RARS2: variants seen among roughly 807,000 people sequenced by gnomAD.
The protein encoded by RARS2 is arginyl-tRNA synthetase 2, mitochondrial.
Under a neutral mutation model 88.5 loss-of-function variants are expected in RARS2, and 67 were observed. That is an observed-to-expected ratio of 0.76 (90% CI 0.62 to 0.93). The LOEUF is 0.93. RARS2 is among the 40% of genes least tolerant of loss of function. The probability of loss-of-function intolerance (pLI) is 0.00; values close to 1 mark genes in which losing one functional copy is unlikely to be tolerated. For missense variants in RARS2, 664 were observed against 684.2 expected, an observed-to-expected ratio of 0.97 and a Z score of 0.33; for synonymous variants, 239 against 230.3, an observed-to-expected ratio of 1.04 and a Z score of -0.34.
intron 5 of RARS2, among the ~76,000 whole-genome samples, chr6:87,550,794 A>G (rs1309040921): frequency 6.7e-6 from 1 of 150,150 alleles, no homozygotes; most frequent in Non-Finnish European, 1.5e-5. Context: ...AGGAACATAA[A>G]ATACATTATT....
chr6:87,555,451 G>C lies in RARS2; in HGVS notation c.352C>G (p.Leu118Val). The stretch of plus-strand genomic sequence containing the variant: ...TTCTTCTGGGGAAGTCCAGAGAAAA[G>C]TTCACTTTTTAATCCATATTTTGAG... ...DGSKYGLKSE[L>V]FSGLPQKKIV... Residue 118 changes from leucine to valine, a missense_variant, in exon 5 of 20, where the codon CTT becomes GTT. Leu to Val is a conservative substitution (Grantham distance 32). Transcript: ENST00000369536. 2 of 1,613,976 alleles carry C rather than the reference G, an allele frequency of 1.2e-6. No homozygotes were observed. Among genetic ancestry groups the C allele is most frequent in the Non-Finnish European group, 1.7e-6 (2 of 1,179,946 alleles).
chr6:87,535,612 C>A (rs1778866442), intron 8 of RARS2, among the ~76,000 whole-genome samples: 1 of 151,280 alleles, frequency 6.6e-6, no homozygotes, highest in African/African-American at 2.4e-5. Flanking sequence ...GAAATAGAAC[C>A]TTTGGAGGCC....
In RARS2 at chr6:87,580,251, C is replaced by A. The variant is rs544044917; in HGVS notation, c.36+9671G>T. ...CATTGGGCTTCATCTAGGACTAGCA[C>A]AAGCGAAAAGAAGGTCTACTGATAA... On this transcript the variant is annotated intron_variant, in intron 1 of 19. Coordinates refer to ENST00000369536, the MANE Select transcript of RARS2 (RefSeq NM_020320.5). Among the ~76,000 whole-genome samples, 6 of 152,176 alleles carry A rather than the reference C, an allele frequency of 3.9e-5. No individual in the cohort carries two copies. In the East Asian group the frequency reaches 1.2e-3, roughly 29 times the overall value.
intron 11 of RARS2, among the ~76,000 whole-genome samples, chr6:87,523,840 ATATT>A (rs1445325047): frequency 1.3e-5 from 2 of 152,188 alleles, no homozygotes; most frequent in African/African-American, 4.8e-5. Flanking sequence ...TCTAATATAT[ATATT>A]TGCTTATCTA....
intron 1 of RARS2, among the ~76,000 whole-genome samples, chr6:87,586,552 C>T (rs1461983407): frequency 2.0e-5 from 3 of 152,206 alleles, no homozygotes; most frequent in Non-Finnish European, 4.4e-5. Flanking sequence ...AATGCAATTA[C>T]CGGTTTACAT....
At chr6:87,552,377 A>G (rs191277976) in intron 5 of RARS2, among the ~76,000 whole-genome samples, 288 of 152,310 alleles carry the variant, frequency 1.9e-3, no homozygotes, top group African/African-American at 6.5e-3. Context: ...GCACCTGGAA[A>G]ACCTCTAAGG....
chr6:87,535,671 G>GT (rs33991266), intron 8 of RARS2, among the ~76,000 whole-genome samples: 3,498 of 129,550 alleles, frequency 0.027, 66 homozygotes, highest in Non-Finnish European at 0.039. Flanking sequence ...TTATGTAACT[G>GT]TTTTGTTTTT....
intron 8 of RARS2, 70 bp from the exon 9 acceptor site, chr6:87,531,012 C>CA (rs1777365166): frequency 5.0e-6 from 8 of 1,586,328 alleles, no homozygotes; most frequent in Non-Finnish European, 6.8e-6. Flanking sequence ...GGAAAGAAAG[C>CA]AAAAAAAGCA....
rs187260118 is a variant in RARS2, at chr6:87,519,175, T to A, written c.1238-284A>T. On this transcript the variant is annotated intron_variant, in intron 14 of 19. Transcript: ENST00000369536. Reference sequence around the variant, plus strand: ...ATATATGTATGTGTGTATATATATATAAATATATATGTGTGTGTGTGTGTG... The same window carrying A: ...ATATATGTATGTGTGTATATATATAAAAATATATATGTGTGTGTGTGTGTG... The A allele has an allele frequency of 1.1e-4, 30 of 278,990 alleles. No individual in the cohort carries two copies. The Admixed American group carries it at 1.3e-3, about 12-fold the overall frequency. 17.3% of individuals were successfully genotyped at this position (278,990 alleles called of 1,614,324 possible). A position where few individuals can be genotyped will look rare whatever the true frequency, so the allele number is the denominator to read the frequency against.
intron 1 of RARS2, among the ~76,000 whole-genome samples, chr6:87,579,860 G>A (rs1285499062): frequency 6.6e-6 from 1 of 151,244 alleles, no homozygotes; most frequent in Non-Finnish European, 1.5e-5. Flanking sequence ...CCGAGTACCT[G>A]GGACTACAGC....
chr6:87,545,782 CA>C, intron 6 of RARS2, 83 bp from the exon 7 acceptor site: 2 of 1,426,140 alleles, frequency 1.4e-6, no homozygotes, highest in Non-Finnish European at 1.9e-6. Context: ...TATTATCAAA[CA>C]TAAGTAGAAA....
Position 87,541,941 on chromosome 6 carries a change from T to G in RARS2, c.589A>C (p.Asn197His), listed in dbSNP as rs777637227. ...ACTTCAAAGAGATGCTGTAGAGGAT[T>G]GGACTGCAGTTTTTCCTCATAGCCA... ...LFGYEEKLQS[N>H]PLQHLFEVYV... Residue 197 changes from asparagine (N) to histidine (H), a missense_variant, in exon 8 of 20, where the codon AAT becomes CAT. By Grantham distance (68) the Asn-to-His change is moderately conservative. Coordinates refer to ENST00000369536, the MANE Select transcript of RARS2 (RefSeq NM_020320.5). The G allele has an allele frequency of 1.9e-6, 3 of 1,613,670 alleles. No homozygotes were observed. Among genetic ancestry groups the G allele is most frequent in the Non-Finnish European group, 2.5e-6 (3 of 1,179,624 alleles).
chr6:87,526,230 G>C (rs1240005064), intron 10 of RARS2, among the ~76,000 whole-genome samples: 1 of 152,080 alleles, frequency 6.6e-6, no homozygotes, highest in African/African-American at 2.4e-5. Context: ...AAAGAATAAA[G>C]TTGGGCCAGC....
intron 10 of RARS2, among the ~76,000 whole-genome samples, chr6:87,526,206 G>A (rs34007246): frequency 6.6e-6 from 1 of 152,054 alleles, no homozygotes; most frequent in Non-Finnish European, 1.5e-5. Flanking sequence ...AATACCCAAA[G>A]CAATATTGAG....
intron 1 of RARS2, among the ~76,000 whole-genome samples, chr6:87,587,540 C>A (rs755529724): frequency 3.3e-5 from 5 of 152,106 alleles, no homozygotes; most frequent in Admixed American, 1.3e-4. Flanking sequence ...ACAAAGAGCA[C>A]AGTATATAGG....
intron 8 of RARS2, among the ~76,000 whole-genome samples, chr6:87,532,734 T>C (rs1777905241): frequency 6.6e-6 from 1 of 152,152 alleles, no homozygotes; most frequent in Non-Finnish European, 1.5e-5. Context: ...GTCCTCTGCG[T>C]GAATCACAGA....
chr6:87,586,158 A>G (rs1775085940), intron 1 of RARS2, among the ~76,000 whole-genome samples: 1 of 152,206 alleles, frequency 6.6e-6, no homozygotes, highest in Admixed American at 6.6e-5. Context: ...CCCCATCAGA[A>G]GGCTGTTGTA....
chr6:87,518,198 CTG>C lies in RARS2; in HGVS notation c.1480_1481del (p.Gln494ValfsTer17), dbSNP rs776309120. 1.9e-6 allele frequency: 3 copies of C among 1,614,150 alleles called. No homozygotes were observed. Among genetic ancestry groups the C allele is most frequent in the East Asian group, 4.5e-5 (2 of 44,874 alleles). Reference protein sequence around the residue: ...DFNTACLQEPQSVSILQHLLR... With the variant: ...DFNTACLQEPXSVSILQHLLR... ...GAAGATGCTGAAGAATTGAAACAGA[CTG>C]TGGCTCTTGTAAACAAGCAGTGTTG... On this transcript the variant is annotated frameshift_variant, in exon 17 of 20. Coordinates refer to ENST00000369536, the MANE Select transcript of RARS2 (RefSeq NM_020320.5). LOFTEE classifies it high-confidence loss of function.
At chr6:87,545,484 G>GGAAA in intron 7 of RARS2, 132 bp downstream of exon 7, 1 of 1,067,268 alleles carries the variant, frequency 9.4e-7, no homozygotes, top group Non-Finnish European at 1.3e-6. Context: ...GAGCCATTAG[G>GGAAA]GAAAAAAAAA....
Sources: gnomAD v4.1 joint callset for allele counts (sites outside exome capture counted in the v4.1 genomes callset) on GRCh38, gnomAD v4.1.1 for gene constraint, MANE v1.5 for transcripts, NCBI Gene and HGNC (gene_info 2026-07-23, HGNC 2026-07-21) for gene names.